The following KALRN variants were observed in gnomAD, a reference collection of about 807,000 sequenced individuals.
KALRN encodes kalirin RhoGEF kinase, also known as kalirin.
In KALRN, 70 loss-of-function variants were observed where a neutral mutation model predicts 353.7. The observed-to-expected ratio is 0.20, with a 90% confidence interval of 0.16 to 0.24. The LOEUF (loss-of-function observed/expected upper bound fraction) is 0.24, where lower values mean the gene tolerates loss of function less well. Among genes scored for constraint, KALRN ranks in the 10% least tolerant of loss-of-function variants. KALRN has a pLI of 1.00. For missense variants in KALRN, 2,791 were observed against 3,756.7 expected, an observed-to-expected ratio of 0.74 and a Z score of 6.72; for synonymous variants, 1,391 against 1,434.8, an observed-to-expected ratio of 0.97 and a Z score of 0.69.
chr3:124,103,405 G>A (rs2062030621), intron 1 of KALRN, among the ~76,000 whole-genome samples: 2 of 152,180 alleles, frequency 1.3e-5, no homozygotes, highest in Admixed American at 6.5e-5. Flanking sequence ...GAACCAAGGG[G>A]CAGTGGGACA....
At chr3:124,134,692 A>C (rs1578435572) in intron 1 of KALRN, among the ~76,000 whole-genome samples, 1 of 152,194 alleles carries the variant, frequency 6.6e-6, no homozygotes, top group East Asian at 1.9e-4. Flanking sequence ...AAAAACAAAC[A>C]ATTACATCAA....
At chr3:124,588,298 G>A (rs1678701783) in intron 34 of KALRN, among the ~76,000 whole-genome samples, 1 of 152,164 alleles carries the variant, frequency 6.6e-6, no homozygotes, top group Non-Finnish European at 1.5e-5. Flanking sequence ...CTTCAAGCCT[G>A]AAAAAGTGGG....
intron 1 of KALRN, among the ~76,000 whole-genome samples, chr3:124,175,291 A>G (rs1274845752): frequency 6.6e-6 from 1 of 152,186 alleles, no homozygotes; most frequent in Admixed American, 6.5e-5. Flanking sequence ...CGCTGTGTGC[A>G]CTGCCTAGGG....
Position 124,594,494 on chromosome 3 carries a change from G to T in KALRN, c.5182+31405G>T, listed in dbSNP as rs534366894. Among the ~76,000 whole-genome samples, 227 of 152,254 alleles carry T rather than the reference G, an allele frequency of 1.5e-3. 1 individual carries two copies. Among genetic ancestry groups the T allele is most frequent in the Non-Finnish European group, 2.7e-3 (185 of 68,012 alleles). The stretch of plus-strand genomic sequence containing the variant: ...CTGCCTTGGCCTCCCAAAGTGCTGG[G>T]ATTACAGGTGTGAGCCACCGCGCCC... On this transcript the variant is annotated intron_variant, in intron 34 of 59. Transcript: ENST00000682506.
chr3:124,594,045 T>G (rs528220174), intron 34 of KALRN, among the ~76,000 whole-genome samples: 33 of 152,198 alleles, frequency 2.2e-4, no homozygotes, highest in African/African-American at 7.9e-4. Flanking sequence ...AATCAAAACT[T>G]AGGCAAACAA....
chr3:124,717,477 G>C, intron 59 of KALRN, 92 bp downstream of exon 59: 2 of 796,292 alleles, frequency 2.5e-6, no homozygotes, highest in South Asian at 4.6e-5. Context: ...ACAAGGTCAG[G>C]AGATCGAGAC....
At chr3:124,468,736 C>T (rs1304131198) in intron 25 of KALRN, among the ~76,000 whole-genome samples, 1 of 152,232 alleles carries the variant, frequency 6.6e-6, no homozygotes, top group Admixed American at 6.5e-5. Context: ...ATCCAGCTGT[C>T]ATTTTCTTAA....
intron 51 of KALRN, among the ~76,000 whole-genome samples, chr3:124,681,308 C>T (rs1220513441): frequency 6.6e-6 from 1 of 152,206 alleles, no homozygotes; most frequent in Non-Finnish European, 1.5e-5. Context: ...TAATTGAACA[C>T]ATTTTAAAGG....
intron 49 of KALRN, among the ~76,000 whole-genome samples, chr3:124,676,659 C>A (rs1053471409): frequency 3.3e-5 from 5 of 152,196 alleles, no homozygotes; most frequent in East Asian, 3.8e-4. Context: ...TAGAAACACA[C>A]CCCCACAAGG....
intron 1 of KALRN, among the ~76,000 whole-genome samples, chr3:124,151,777 C>T (rs1479374092): frequency 1.3e-5 from 2 of 152,070 alleles, no homozygotes; most frequent in Non-Finnish European, 2.9e-5. Flanking sequence ...TTTTTGTCTA[C>T]TGTAAATATT....
At chr3:124,563,494 C>T (rs1442583778) in intron 34 of KALRN, among the ~76,000 whole-genome samples, 7 of 152,160 alleles carry the variant, frequency 4.6e-5, no homozygotes, top group Non-Finnish European at 1.0e-4. Context: ...CTCTGACCCC[C>T]GACCAAGTAC....
chr3:124,466,003 A>T (rs2060296859), intron 25 of KALRN, among the ~76,000 whole-genome samples: 1 of 151,426 alleles, frequency 6.6e-6, no homozygotes, highest in Admixed American at 6.6e-5. Context: ...ACTTTGAAAA[A>T]TTGCAACCAG....
chr3:124,178,577 CAA>C (rs1282328761), intron 1 of KALRN, among the ~76,000 whole-genome samples: 1 of 152,074 alleles, frequency 6.6e-6, no homozygotes, highest in Non-Finnish European at 1.5e-5. Context: ...AATCGTAACA[CAA>C]TGATAAATAT....
chr3:124,288,855 T>G (rs2076177662), intron 5 of KALRN, among the ~76,000 whole-genome samples: 1 of 152,156 alleles, frequency 6.6e-6, no homozygotes, highest in Admixed American at 6.5e-5. Flanking sequence ...CTCTGAGGGA[T>G]GACGCGAAGA....
chr3:124,498,864 C>T (rs2064181582), intron 33 of KALRN, among the ~76,000 whole-genome samples: 1 of 151,814 alleles, frequency 6.6e-6, no homozygotes. Context: ...TAGACGTTAT[C>T]AGCAGTGTCA....
intron 11 of KALRN, among the ~76,000 whole-genome samples, chr3:124,387,579 A>G (rs2088583070): frequency 6.6e-6 from 1 of 152,202 alleles, no homozygotes; most frequent in African/African-American, 2.4e-5. Flanking sequence ...CCTTTGCCAC[A>G]AAGACTTTTA....
At chr3:124,323,891 AG>A (rs2079602846) in intron 6 of KALRN, among the ~76,000 whole-genome samples, 1 of 152,320 alleles carries the variant, frequency 6.6e-6, no homozygotes, top group East Asian at 1.9e-4. Flanking sequence ...GGTCATCTGC[AG>A]GTGATTCTCA....
In KALRN at chr3:124,334,115, G is replaced by C. The variant is rs1039386498; in HGVS notation, c.1417-150G>C. ...CACCAGGCCGGAGGATGGGCCCCATGGCAGCTCTGGCTGGCTAGGTGTCTG... is the reference window on the plus strand; with the variant it reads ...CACCAGGCCGGAGGATGGGCCCCATCGCAGCTCTGGCTGGCTAGGTGTCTG... On this transcript the variant is annotated intron_variant, in intron 8 of 59. Coordinates refer to ENST00000682506, the MANE Select transcript of KALRN (RefSeq NM_001388419.1). The surrounding 1 kb of genome is among the most constrained non-coding windows in gnomAD (Gnocchi z 4.2). 1 of 674,552 alleles carries C rather than the reference G, an allele frequency of 1.5e-6. No homozygotes were observed. The highest frequency in any genetic ancestry group is 2.6e-6 in the Non-Finnish European group (1 of 387,454). The allele number at this position is 674,552 out of a possible 1,614,324, so 41.8% of individuals were successfully genotyped here.
intron 33 of KALRN, chr3:124,518,617 C>T: frequency 5.9e-6 from 9 of 1,515,048 alleles, no homozygotes; most frequent in Non-Finnish European, 7.1e-6. Flanking sequence ...ATGTTCCAAG[C>T]AAAATCTCCC....
Sources: allele counts gnomAD v4.1 joint callset (sites outside exome capture counted in the v4.1 genomes callset), GRCh38; gene constraint gnomAD v4.1.1; non-coding constraint Gnocchi (gnomAD v3.1); transcripts MANE v1.5; gene names NCBI Gene and HGNC (gene_info 2026-07-23, HGNC 2026-07-21).